The following ABCA6 variants were observed in gnomAD, a reference collection of about 807,000 sequenced individuals.
ABCA6 encodes the protein ATP-binding cassette sub-family A member 6.
Under a neutral mutation model 191.2 loss-of-function variants are expected in ABCA6, and 164 were observed. That is an observed-to-expected ratio of 0.86 (90% CI 0.76 to 0.98). The LOEUF (loss-of-function observed/expected upper bound fraction) is 0.98, where lower values mean the gene tolerates loss of function less well. Ranked by LOEUF, ABCA6 falls within the 50% of genes least tolerant of loss-of-function variation. The pLI is 0.00. For missense variants in ABCA6, 1,958 were observed against 1,894.1 expected (o/e 1.03, Z -0.63); for synonymous variants, 636 against 647.7 (o/e 0.98, Z 0.27).
chr17:69,080,673 G>A lies in ABCA6; in HGVS notation c.4696+393C>T, dbSNP rs537250233. Among the ~76,000 whole-genome samples the A allele has an allele frequency of 2.0e-5, 3 of 152,276 alleles. No individual in the cohort carries two copies. In the East Asian group the frequency reaches 5.8e-4, roughly 29 times the overall value. Reference sequence around the variant, plus strand: ...AATATAAAGCAAGGGCATCAACTGAGGGATAAAAGTGGGAAGGAGGTGGAT... The same window carrying A: ...AATATAAAGCAAGGGCATCAACTGAAGGATAAAAGTGGGAAGGAGGTGGAT... On this transcript the variant is annotated intron_variant, in intron 37 of 38. Coordinates refer to ENST00000284425, the MANE Select transcript of ABCA6 (RefSeq NM_080284.3).
chr17:69,125,925 C>A (rs149741613), intron 8 of ABCA6, among the ~76,000 whole-genome samples: 79 of 152,124 alleles, frequency 5.2e-4, no homozygotes, highest in Middle Eastern at 3.4e-3. Context: ...TAAGATGAAT[C>A]TTCCTTAATC....
Position 69,124,935 on chromosome 17 carries a change from C to T in ABCA6, c.1220G>A (p.Gly407Asp). Residue 407 changes from glycine to aspartate, a missense_variant, in exon 9 of 39, where the codon GGT becomes GAT. Physicochemically the swap from Gly to Asp is moderately conservative, Grantham distance 94. Coordinates refer to ENST00000284425, the MANE Select transcript of ABCA6 (RefSeq NM_080284.3). ...IATFSMLLLD[G>D]LIYLLLALYF... is the part of the protein sequence containing the mutation. ...TAATGCCAATAGCAAGTAGATGAGA[C>T]CATCCAAAAGCAACATAGAAAAAGT... 1.3e-6 allele frequency: 2 copies of T among 1,576,352 alleles called. No individual in the cohort carries two copies. The highest frequency in any genetic ancestry group is 1.7e-6 in the Non-Finnish European group (2 of 1,161,222).
At chr17:69,118,865 C>G (rs1481835651) in intron 10 of ABCA6, among the ~76,000 whole-genome samples, 1 of 151,954 alleles carries the variant, frequency 6.6e-6, no homozygotes, top group African/African-American at 2.4e-5. Flanking sequence ...TGACCCCACC[C>G]TTTTCATTGA....
Position 69,114,924 on chromosome 17 carries a change from G to A in ABCA6, c.1620C>T (p.Ile540=), listed in dbSNP as rs138479597. Residue 540 remains isoleucine, a synonymous_variant, in exon 13 of 39, where the codon ATC becomes ATT. Transcript: ENST00000284425. ...LSVPTEGSVT[I]YNKNLSEMQD... is the part of the protein sequence containing the mutation. ...GCATTTCAGAGAGATTTTTATTATA[G>A]ATGGTAACTGATCCTAAGAATAGAA... 5.7e-3 allele frequency: 9,125 copies of A among 1,606,976 alleles called. 28 individuals are homozygous for A. The highest frequency in any genetic ancestry group is 7.1e-3 in the Non-Finnish European group (8,350 of 1,175,818).
intron 18 of ABCA6, among the ~76,000 whole-genome samples, chr17:69,107,132 G>C (rs531920608): frequency 6.6e-6 from 1 of 152,150 alleles, no homozygotes; most frequent in South Asian, 2.1e-4. Context: ...ACTGCTCATA[G>C]GTCTGATTTT....
intron 10 of ABCA6, 61 bp downstream of exon 10, chr17:69,123,178 A>AAATAAT (rs915491738): frequency 8.9e-7 from 1 of 1,128,298 alleles, no homozygotes; most frequent in Non-Finnish European, 1.2e-6. Flanking sequence ...ATAAAATTAA[A>AAATAAT]AATAATAATA....
chr17:69,080,052 C>T (rs1160018489), intron 37 of ABCA6, among the ~76,000 whole-genome samples: 1 of 151,956 alleles, frequency 6.6e-6, no homozygotes, highest in East Asian at 1.9e-4. Flanking sequence ...AGGAGAATTC[C>T]AGGAAGAAGG....
intron 6 of ABCA6, among the ~76,000 whole-genome samples, chr17:69,132,299 T>G (rs1364005392): frequency 3.3e-5 from 5 of 152,114 alleles, no homozygotes; most frequent in Non-Finnish European, 7.4e-5. Flanking sequence ...GTTATATTTC[T>G]TTTGGGGTAT....
chr17:69,112,771 T>C (rs995014786), intron 15 of ABCA6: 4 of 154,468 alleles, frequency 2.6e-5, no homozygotes, highest in Admixed American at 6.5e-5. Context: ...TATATCCATG[T>C]AACAAAACGG....
At chr17:69,124,143 T>C (rs2073703613) in intron 9 of ABCA6, among the ~76,000 whole-genome samples, 1 of 152,008 alleles carries the variant, frequency 6.6e-6, no homozygotes, top group South Asian at 2.1e-4. Context: ...TTTATAGTGA[T>C]ATTTTAAATA....
Position 69,111,040 on chromosome 17 carries a change from T to C in ABCA6, c.2133-100A>G, listed in dbSNP as rs2073413243. The C allele has an allele frequency of 5.8e-6, 7 of 1,199,638 alleles. No individual in the cohort carries two copies. In the South Asian group the frequency reaches 1.2e-4, roughly 21 times the overall value. The allele number at this position is 1,199,638 out of a possible 1,614,324, so 74.3% of individuals were successfully genotyped here. On this transcript the variant is annotated intron_variant, in intron 16 of 38. Coordinates refer to ENST00000284425, the MANE Select transcript of ABCA6 (RefSeq NM_080284.3). ...ACCTAGCTGTTGAGCACAACTTTAC[T>C]TGGCTTTATGGAACAAAAAGATGAG...
At chr17:69,104,156 T>A (rs1211801937) in intron 20 of ABCA6, 1 of 152,006 alleles carries the variant, frequency 6.6e-6, no homozygotes, top group Non-Finnish European at 1.5e-5. Flanking sequence ...CATTAAAAGA[T>A]AAACGTGTTA....
chr17:69,107,494 C>G (rs1044733859), intron 18 of ABCA6, among the ~76,000 whole-genome samples: 2 of 152,104 alleles, frequency 1.3e-5, no homozygotes, highest in Non-Finnish European at 2.9e-5. Context: ...CAAAAGGAAA[C>G]TTGGTAGATG....
chr17:69,082,829 G>A, intron 36 of ABCA6, 44 bp downstream of exon 36: 3 of 1,612,280 alleles, frequency 1.9e-6, no homozygotes, highest in Non-Finnish European at 2.5e-6. Flanking sequence ...ACCACTGAGT[G>A]GATAAACCCT....
At position 69,123,270 on chromosome 17, in the gene ABCA6, C is replaced by A; in HGVS notation, c.1405G>T (p.Ala469Ser). The part of the protein sequence containing the change: ...HPSDDYFEPV[A>S]PEFQGKEAIR... The stretch of plus-strand genomic sequence containing the variant: ...GCTTCTTTTCCTTGGAATTCAGGAG[C>A]TACTGGTTCAAAATAATCATCAGAG... Residue 469 changes from alanine to serine, a missense_variant, in exon 10 of 39, where the codon GCT (alanine) becomes TCT (serine). Ala to Ser is a moderately conservative substitution (Grantham distance 99, BLOSUM62 1). Transcript: ENST00000284425. 6.6e-7 allele frequency: 1 copy of A among 1,515,626 alleles called. No homozygotes were observed. Among genetic ancestry groups the A allele is most frequent in the Non-Finnish European group, 8.9e-7 (1 of 1,121,776 alleles). 93.9% of individuals were successfully genotyped at this position (1,515,626 alleles called of 1,614,324 possible).
intron 17 of ABCA6, 197 bp from the exon 18 acceptor site, chr17:69,108,009 T>A (rs2073342165): frequency 2.0e-6 from 1 of 493,414 alleles, no homozygotes; most frequent in Non-Finnish European, 3.5e-6. Context: ...TCTTCCTCCA[T>A]CCTCAAACTG....
At chr17:69,096,847 TA>T (rs2073057964) in intron 23 of ABCA6, 46 bp from the exon 24 acceptor site, 12 of 1,412,992 alleles carry the variant, frequency 8.5e-6, no homozygotes, top group Non-Finnish European at 9.4e-6. Context: ...TAGATTCAAT[TA>T]AAATGCAAAT....
intron 3 of ABCA6, among the ~76,000 whole-genome samples, chr17:69,136,637 C>T (rs1029966916): frequency 1.3e-5 from 2 of 152,118 alleles, no homozygotes; most frequent in African/African-American, 4.8e-5. Context: ...ATGACCTTTG[C>T]CTTCTGCAGA....
intron 14 of ABCA6, 104 bp downstream of exon 14, chr17:69,113,514 T>A (rs1430149192): frequency 5.0e-5 from 78 of 1,575,722 alleles, no homozygotes; most frequent in Admixed American, 7.5e-5. Flanking sequence ...GCAGGTTCTC[T>A]CTTGATGCAT....
Sources: allele counts gnomAD v4.1 joint callset (sites outside exome capture counted in the v4.1 genomes callset), GRCh38; gene constraint gnomAD v4.1.1; transcripts MANE v1.5; gene names NCBI Gene and HGNC (gene_info 2026-07-23, HGNC 2026-07-21).